Variants in USP35 observed in about 807,000 individuals in gnomAD.
The protein encoded by USP35 is ubiquitin specific peptidase 35.
Under a neutral mutation model 83.8 loss-of-function variants are expected in USP35, and 69 were observed. That is an observed-to-expected ratio of 0.82 (90% CI 0.68 to 1.01). The LOEUF (loss-of-function observed/expected upper bound fraction) is 1.01, where lower values mean the gene tolerates loss of function less well. USP35 is among the 50% of genes least tolerant of loss of function. The probability of loss-of-function intolerance (pLI) is 0.00; values close to 1 mark genes in which losing one functional copy is unlikely to be tolerated. For missense variants in USP35, 1,503 were observed against 1,362.5 expected, an observed-to-expected ratio of 1.10 and a Z score of -1.62; for synonymous variants, 714 against 589.5, an observed-to-expected ratio of 1.21 and a Z score of -3.06.
At chr11:78,209,086 C>G (rs182571544) in intron 9 of USP35, 123 bp downstream of exon 9, 5 of 998,814 alleles carry the variant, frequency 5.0e-6, no homozygotes, top group Non-Finnish European at 7.3e-6. Flanking sequence ...ATGTGGAGGG[C>G]GTGGAGAAGG....
At position 78,209,683 on chromosome 11, in the gene USP35, C is replaced by G; in HGVS notation, c.1828C>G (p.Arg610Gly). 6.2e-7 allele frequency: 1 copy of G among 1,613,970 alleles called. No homozygotes were observed. Among genetic ancestry groups the G allele is most frequent in the Non-Finnish European group, 8.5e-7 (1 of 1,179,914 alleles). The change falls in exon 10 of 11, where the codon CGC becomes GGC. Residue 610 changes from arginine to glycine, a missense_variant. Physicochemically the swap from Arg to Gly is moderately radical, Grantham distance 125 (BLOSUM62 -2). Transcript: ENST00000529308. ...TCCTCCTGAGCGCTGTCGCCGCCGC[C>G]GCCTGGGCTCTGTGATGCGCCCCAC... ...FPPPERCRRR[R>G]LGSVMRPTED...
the USP35 span, among the ~76,000 whole-genome samples, chr11:78,230,443 A>C: frequency 6.6e-6 from 1 of 152,220 alleles, no homozygotes; most frequent in Non-Finnish European, 1.5e-5. Flanking sequence ...CACTCTACAA[A>C]GGTATTACAG....
Position 78,210,244 on chromosome 11 carries a change from C to G in USP35, c.2389C>G (p.Leu797Val). Residue 797 changes from leucine to valine, a missense_variant, in exon 10 of 11, where the codon CTG becomes GTG. By Grantham distance (32) the Leu-to-Val change is conservative (BLOSUM62 1). Coordinates refer to ENST00000529308, the MANE Select transcript of USP35 (RefSeq NM_020798.4). ...GCAGGATGCCGAGAAGGTGGTGGAG[C>G]TGAGCCAAGGGCCGTGCTACCTCAT... ...SLQDAEKVVE[L>V]SQGPCYLILT... 2 of 1,614,150 alleles carry G rather than the reference C, an allele frequency of 1.2e-6. No homozygotes were observed. Among genetic ancestry groups the G allele is most frequent in the Admixed American group, 1.7e-5 (1 of 60,032 alleles).
At chr11:78,223,955 GC>G in the USP35 span, among the ~76,000 whole-genome samples, 1 of 152,148 alleles carries the variant, frequency 6.6e-6, no homozygotes, top group Non-Finnish European at 1.5e-5. Context: ...GGTGGCATAT[GC>G]TTGTAGTCCC....
chr11:78,216,037 A>C (rs1002489220), downstream of USP35: 1 of 152,646 alleles, frequency 6.6e-6, no homozygotes, highest in Admixed American at 6.5e-5. Context: ...GGGACTGGGG[A>C]TAGGTACTGC....
At chr11:78,197,865 C>CAGGG in intron 2 of USP35, 71 bp from the exon 3 acceptor site, 1 of 1,558,746 alleles carries the variant, frequency 6.4e-7, no homozygotes, top group Non-Finnish European at 8.7e-7. Flanking sequence ...TTGGCTCCTG[C>CAGGG]AGGGCATGGT....
chr11:78,211,934 C>G (rs1466422310), intron 10 of USP35, among the ~76,000 whole-genome samples: 1 of 152,114 alleles, frequency 6.6e-6, no homozygotes, highest in African/African-American at 2.4e-5. Context: ...CGCATAAGCT[C>G]TTTAGTTTAA....
At position 78,196,281 on chromosome 11, in the gene USP35, A is replaced by G. The variant is rs932469773; in HGVS notation, c.36A>G (p.Ser12=). 6.3e-7 allele frequency: 1 copy of G among 1,595,442 alleles called. No homozygotes were observed. The highest frequency in any genetic ancestry group is 8.5e-7 in the Non-Finnish European group (1 of 1,177,756). The change falls in exon 2 of 11, where the codon TCA becomes TCG. Residue 12 remains serine, a synonymous_variant. Transcript: ENST00000529308. This position sits in a 1 kb window ranked among gnomAD's most constrained non-coding sequence, Gnocchi z 4.8. The part of the protein sequence containing the change: ...DKILEAVVTS[S]YPVSVKQGLV... ...TCTTGGAGGCGGTGGTGACGTCGTC[A>G]TACCCGGTCAGCGTGAAGCAGGGGC... is the stretch of plus-strand genomic sequence containing the variant.
Position 78,213,820 on chromosome 11 carries a change from C to A in USP35, c.*7C>A. The A allele has an allele frequency of 1.3e-6, 2 of 1,551,002 alleles. No homozygotes were observed. The highest frequency in any genetic ancestry group is 2.2e-5 in the Admixed American group (1 of 45,654). ...CCACAGACTGGTCTTCTAATGTGAACCTGCTGCCAACCTGACCCCTTCCCT... is the reference window on the plus strand; with the variant it reads ...CCACAGACTGGTCTTCTAATGTGAAACTGCTGCCAACCTGACCCCTTCCCT... On this transcript the variant is annotated 3_prime_UTR_variant, in exon 11 of 11. Coordinates refer to ENST00000529308, the MANE Select transcript of USP35 (RefSeq NM_020798.4).
intron 1 of USP35, among the ~76,000 whole-genome samples, chr11:78,193,640 G>A (rs1863060897): frequency 6.6e-6 from 1 of 152,196 alleles, no homozygotes. Flanking sequence ...GAAGCAACAG[G>A]AGTTGACATT....
intron 10 of USP35, 123 bp from the exon 11 acceptor site, chr11:78,213,523 G>C: frequency 8.6e-7 from 1 of 1,161,594 alleles, no homozygotes; most frequent in Non-Finnish European, 1.1e-6. Context: ...GAGCTGCAAT[G>C]TCTCTGTGTG....
downstream of USP35, chr11:78,216,711 A>ACACT (rs1250241408): frequency 6.6e-6 from 1 of 152,234 alleles, no homozygotes; most frequent in African/African-American, 2.4e-5. Flanking sequence ...ACATCATGGC[A>ACACT]CACTCAGAAC....
In USP35 at chr11:78,215,013, C is replaced by G. The variant is rs964883344; in HGVS notation, c.*1200C>G. On this transcript the variant is annotated 3_prime_UTR_variant, in exon 11 of 11. Transcript: ENST00000529308. The stretch of plus-strand genomic sequence containing the variant: ...CTGTGATGGTGGTGTGGAGTTTGGG[C>G]CCAATGTCACAGACCCTCAAGATGT... 6.6e-6 allele frequency among the ~76,000 whole-genome samples: 1 copy of G among 152,034 alleles called. No homozygotes were observed. The highest frequency in any genetic ancestry group is 2.4e-5 in the African/African-American group (1 of 41,390).
At chr11:78,197,914 T>C (rs1446779641) in intron 2 of USP35, 22 bp from the exon 3 acceptor site, 2 of 1,612,610 alleles carry the variant, frequency 1.2e-6, no homozygotes, top group South Asian at 2.2e-5. Flanking sequence ...CCTGCTAAGC[T>C]CAGCCCTGTC....
the USP35 span, chr11:78,223,654 C>T: frequency 1.6e-4 from 257 of 1,605,802 alleles, no homozygotes; most frequent in Admixed American, 3.2e-4. Context: ...GCTGTCCGAT[C>T]GGCCCACAAT....
intron 8 of USP35, 87 bp downstream of exon 8, chr11:78,207,710 C>T (rs1863575820): frequency 3.0e-6 from 4 of 1,318,852 alleles, no homozygotes; most frequent in Admixed American, 1.8e-5. Flanking sequence ...CAGGACCTGC[C>T]TGCATCTGGC....
Position 78,198,073 on chromosome 11 carries a change from G to A in USP35, c.806+5G>A. The A allele has an allele frequency of 6.2e-7, 1 of 1,614,134 alleles. No homozygotes were observed. Among genetic ancestry groups the A allele is most frequent in the South Asian group, 1.1e-5 (1 of 91,090 alleles). On this transcript the variant is annotated splice_donor_5th_base_variant and intron_variant, in intron 3 of 10. Coordinates refer to ENST00000529308, the MANE Select transcript of USP35 (RefSeq NM_020798.4). ...GATGCTGACTGCCATTAGCAGGTGG[G>A]ACGCTGAGGCTGAGCCATGATCAGG...
the USP35 span, chr11:78,226,584 G>C: frequency 1.1e-6 from 1 of 938,554 alleles, no homozygotes; most frequent in African/African-American, 2.1e-5. Flanking sequence ...CCATCGAGGT[G>C]TTTCTGCCTG....
At position 78,213,903 on chromosome 11, in the gene USP35, G is replaced by A; in HGVS notation, c.*90G>A. On this transcript the variant is annotated 3_prime_UTR_variant, in exon 11 of 11. Transcript: ENST00000529308. ...GGAGGCAGGCCCTACCAAGAGGAAG[G>A]ATGGTACAGCTCATGGCACCTTAGT... is the stretch of plus-strand genomic sequence containing the variant. 1.4e-6 allele frequency: 2 copies of A among 1,448,838 alleles called. No individual in the cohort carries two copies. Among genetic ancestry groups the A allele is most frequent in the Non-Finnish European group, 1.8e-6 (2 of 1,091,842 alleles). The allele number at this position is 1,448,838 out of a possible 1,614,324, so 89.7% of individuals were successfully genotyped here.
Sources: gnomAD v4.1 joint callset for allele counts (sites outside exome capture counted in the v4.1 genomes callset) on GRCh38, gnomAD v4.1.1 for gene constraint, Gnocchi (gnomAD v3.1) non-coding constraint, MANE v1.5 for transcripts, NCBI Gene and HGNC (gene_info 2026-07-23, HGNC 2026-07-21) for gene names.